MECOM: variants seen among roughly 807,000 people sequenced by gnomAD.
The protein encoded by MECOM is MDS1 and EVI1 complex locus.
Under a neutral mutation model 116.3 loss-of-function variants are expected in MECOM, and 13 were observed. The ratio of observed to expected loss-of-function variants is 0.11; its 90% CI spans 0.07 to 0.18. MECOM has a LOEUF of 0.18. Among genes scored for constraint, MECOM ranks in the 10% least tolerant of loss-of-function variants. The probability of loss-of-function intolerance (pLI) is 1.00; values close to 1 mark genes in which losing one functional copy is unlikely to be tolerated. For missense variants in MECOM, 1,299 were observed against 1,509.0 expected (o/e 0.86, Z 2.31); for synonymous variants, 528 against 535.2 (o/e 0.99, Z 0.19).
intron 2 of MECOM, among the ~76,000 whole-genome samples, chr3:169,329,470 T>C (rs1418168336): frequency 1.3e-5 from 2 of 152,196 alleles, no homozygotes; most frequent in African/African-American, 4.8e-5. Flanking sequence ...AGTGCCTGTT[T>C]GTCTGTGTGC....
chr3:169,110,170 CT>C (rs1726868144), intron 9 of MECOM, among the ~76,000 whole-genome samples: 1 of 152,164 alleles, frequency 6.6e-6, no homozygotes, highest in African/African-American at 2.4e-5. Flanking sequence ...GCAAGTCATT[CT>C]GTTTTGGCTC....
chr3:169,453,398 C>G (rs1027589066), intron 1 of MECOM, among the ~76,000 whole-genome samples: 1 of 152,188 alleles, frequency 6.6e-6, no homozygotes. Context: ...CCCAGAGGGG[C>G]CTTGCTGTCC....
rs1212490457 is a variant in MECOM at position 169,485,985 on chromosome 3, G to GTA, written c.38-104463_38-104462dup. On this transcript the variant is annotated intron_variant, in intron 1 of 16. Coordinates refer to ENST00000651503, the MANE Select transcript of MECOM (RefSeq NM_004991.4). ...TATACTATATATACATATATATATA[G>GTA]TATATATATGTATATATATACTATA... 9.2e-3 allele frequency among the ~76,000 whole-genome samples: 490 copies of GTA among 53,232 alleles called. 3 individuals carry two copies. The highest frequency in any genetic ancestry group is 0.015 in the African/African-American group (173 of 11,218). The allele number at this position is 53,232 out of a possible 152,430, so 34.9% of individuals were successfully genotyped here.
chr3:169,324,884 C>A (rs1482576211), intron 2 of MECOM, among the ~76,000 whole-genome samples: 28 of 152,162 alleles, frequency 1.8e-4, no homozygotes, highest in Admixed American at 1.8e-3. Context: ...CTACCACCCC[C>A]CTCCCTTCTC....
At chr3:169,552,091 G>A (rs1042380301) in intron 1 of MECOM, among the ~76,000 whole-genome samples, 1 of 151,736 alleles carries the variant, frequency 6.6e-6, no homozygotes, top group Non-Finnish European at 1.5e-5. Flanking sequence ...AGATGAAAAT[G>A]TTCTGGAATC....
chr3:169,146,498 C>G (rs1215220429), intron 2 of MECOM: 7 of 1,380,918 alleles, frequency 5.1e-6, no homozygotes, highest in Admixed American at 1.9e-5. Flanking sequence ...CGACCCACCC[C>G]GGAGACGTGT....
At position 169,416,826 on chromosome 3, in the gene MECOM, T is replaced by C. The variant is rs9853955; in HGVS notation, c.38-35302A>G. 8.8e-3 allele frequency among the ~76,000 whole-genome samples: 1,340 copies of C among 152,180 alleles called. 22 individuals are homozygous for C. The highest frequency in any genetic ancestry group is 0.031 in the African/African-American group (1,290 of 41,524). On this transcript the variant is annotated intron_variant, in intron 1 of 16. Coordinates refer to ENST00000651503, the MANE Select transcript of MECOM (RefSeq NM_004991.4). ...CGCATATCTACAACTATCTGATCTT[T>C]GACAAAACTGACAAAAACAAGCAAT...
chr3:169,662,871 C>T (rs569767249), intron 1 of MECOM, among the ~76,000 whole-genome samples: 1 of 151,892 alleles, frequency 6.6e-6, no homozygotes, highest in Non-Finnish European at 1.5e-5. Flanking sequence ...CTTCTCCTGC[C>T]GGCCCCCCAT....
chr3:169,423,172 T>C (rs916598431), intron 1 of MECOM, among the ~76,000 whole-genome samples: 1 of 152,052 alleles, frequency 6.6e-6, no homozygotes, highest in African/African-American at 2.4e-5. Flanking sequence ...GATCATACTT[T>C]GAGTAGCAAG....
chr3:169,219,648 A>G (rs537128014), intron 2 of MECOM, among the ~76,000 whole-genome samples: 1 of 152,254 alleles, frequency 6.6e-6, no homozygotes, highest in Admixed American at 6.5e-5. Context: ...ATGTAGCTAC[A>G]TATGTAGGGG....
chr3:169,226,899 A>G (rs1242954453), intron 2 of MECOM, among the ~76,000 whole-genome samples: 1 of 152,172 alleles, frequency 6.6e-6, no homozygotes, highest in African/African-American at 2.4e-5. Context: ...ATGGCAGGAG[A>G]ATCTCTGAAA....
intron 1 of MECOM, among the ~76,000 whole-genome samples, chr3:169,646,627 A>G (rs1307441418): frequency 2.0e-5 from 3 of 152,104 alleles, no homozygotes; most frequent in African/African-American, 7.2e-5. Context: ...AGTGAACGAG[A>G]CTTGGTCTCA....
chr3:169,610,118 C>T (rs9872832), intron 1 of MECOM, among the ~76,000 whole-genome samples: 4,136 of 152,220 alleles, frequency 0.027, 59 homozygotes, highest in Middle Eastern at 0.058. Flanking sequence ...GTCAATTGAG[C>T]TTAACTACTC....
intron 1 of MECOM, among the ~76,000 whole-genome samples, chr3:169,584,652 G>A (rs1004904357): frequency 6.6e-6 from 1 of 152,000 alleles, no homozygotes; most frequent in African/African-American, 2.4e-5. Context: ...ACTTAGACTT[G>A]TAGTACATTT....
chr3:169,214,180 C>CT (rs960454589), intron 2 of MECOM, among the ~76,000 whole-genome samples: 3 of 151,214 alleles, frequency 2.0e-5, no homozygotes, highest in Admixed American at 6.6e-5. Context: ...TAAAAGCCAA[C>CT]TTTTTTTTTA....
At chr3:169,162,022 T>C (rs966808205) in intron 2 of MECOM, among the ~76,000 whole-genome samples, 1 of 152,180 alleles carries the variant, frequency 6.6e-6, no homozygotes, top group African/African-American at 2.4e-5. Flanking sequence ...TCCTAAACCA[T>C]AGAAACTGAG....
At chr3:169,100,797 T>C in intron 12 of MECOM, 88 bp downstream of exon 12, 1 of 749,898 alleles carries the variant, frequency 1.3e-6, no homozygotes, top group Non-Finnish European at 1.8e-6. Flanking sequence ...CTTTAATTAT[T>C]ATAAACTTTA....
chr3:169,392,266 G>C (rs1198043609), intron 1 of MECOM, among the ~76,000 whole-genome samples: 1 of 152,106 alleles, frequency 6.6e-6, no homozygotes, highest in Non-Finnish European at 1.5e-5. Flanking sequence ...CAAAATCTTT[G>C]GTAGGCTCCA....
At chr3:169,314,007 C>G (rs1719278421) in intron 2 of MECOM, among the ~76,000 whole-genome samples, 1 of 152,192 alleles carries the variant, frequency 6.6e-6, no homozygotes, top group Non-Finnish European at 1.5e-5. Flanking sequence ...CCTAACCTAA[C>G]AACAAATTCA....
Sources: gnomAD v4.1 joint callset for allele counts (sites outside exome capture counted in the v4.1 genomes callset) on GRCh38, gnomAD v4.1.1 for gene constraint, MANE v1.5 for transcripts, NCBI Gene and HGNC (gene_info 2026-07-23, HGNC 2026-07-21) for gene names.